KCNN2: variants seen among roughly 807,000 people sequenced by gnomAD.
KCNN2 encodes potassium calcium-activated channel subfamily N member 2, also known as small conductance calcium-activated potassium channel protein 2.
Under a neutral mutation model 55.5 loss-of-function variants are expected in KCNN2, and 24 were observed. That is an observed-to-expected ratio of 0.43 (90% CI 0.31 to 0.61). KCNN2 has a LOEUF of 0.61. Among genes scored for constraint, KCNN2 ranks in the 20% least tolerant of loss-of-function variants. The pLI, the probability that KCNN2 is intolerant of heterozygous loss-of-function variation, is 0.08. For missense variants in KCNN2, 754 were observed against 853.6 expected (o/e 0.88, Z 1.45); for synonymous variants, 431 against 336.1 (o/e 1.28, Z -3.09).
chr5:114,139,172 A>G (rs1752225982), intron 1 of KCNN2, among the ~76,000 whole-genome samples: 1 of 152,098 alleles, frequency 6.6e-6, no homozygotes, highest in Non-Finnish European at 1.5e-5. Context: ...CCTAATTTGG[A>G]GTTTTCTGTC....
chr5:114,127,742 G>A (rs919254963), intron 1 of KCNN2, among the ~76,000 whole-genome samples: 2 of 152,182 alleles, frequency 1.3e-5, no homozygotes, highest in African/African-American at 4.8e-5. Flanking sequence ...TCATCAGGCT[G>A]CAATTTTTCC....
At chr5:114,327,165 T>C (rs748962304) in intron 2 of KCNN2, among the ~76,000 whole-genome samples, 1 of 152,194 alleles carries the variant, frequency 6.6e-6, no homozygotes, top group Non-Finnish European at 1.5e-5. Flanking sequence ...CAGTGAGAAG[T>C]AGAGAAATGA....
intron 1 of KCNN2, among the ~76,000 whole-genome samples, chr5:114,090,830 T>C (rs532767934): frequency 3.3e-5 from 5 of 152,162 alleles, no homozygotes; most frequent in South Asian, 2.1e-4. Context: ...CAGTTTTCCG[T>C]TGGAGAATCT....
At chr5:114,214,135 G>A (rs777026402) in intron 1 of KCNN2, among the ~76,000 whole-genome samples, 17 of 151,872 alleles carry the variant, frequency 1.1e-4, no homozygotes, top group Non-Finnish European at 2.2e-4. Flanking sequence ...TCCTTAAAAG[G>A]GTAATTAGTA....
At chr5:114,377,578 C>G (rs1214984194) in intron 2 of KCNN2, among the ~76,000 whole-genome samples, 1 of 151,992 alleles carries the variant, frequency 6.6e-6, no homozygotes. Flanking sequence ...AGTGTAGACC[C>G]CAAGAGGACA....
At chr5:114,159,123 G>C (rs1047064975) in intron 1 of KCNN2, among the ~76,000 whole-genome samples, 3 of 152,174 alleles carry the variant, frequency 2.0e-5, no homozygotes, top group Non-Finnish European at 4.4e-5. Context: ...CATTCAGTAT[G>C]ATATTGGCTG....
In KCNN2 at chr5:114,469,311, A is replaced by G. The variant is rs1436007297; in HGVS notation, c.1780-3743A>G. Among the ~76,000 whole-genome samples, 4 of 152,296 alleles carry G rather than the reference A, an allele frequency of 2.6e-5. No homozygotes were observed. The East Asian group carries it at 7.7e-4, about 29-fold the overall frequency. ...TCACCATCTTCTCTGTTAGAAGGAA[A>G]GATGATAAACAAGCCAAGCGAAACC... On this transcript the variant is annotated intron_variant, in intron 4 of 7. Coordinates refer to ENST00000673685, the MANE Select transcript of KCNN2 (RefSeq NM_021614.4).
chr5:114,186,471 A>G (rs1561514077), intron 1 of KCNN2, among the ~76,000 whole-genome samples: 3 of 152,210 alleles, frequency 2.0e-5, no homozygotes, highest in Non-Finnish European at 4.4e-5. Flanking sequence ...TTCCACACAT[A>G]CCAGAGGCTG....
intron 2 of KCNN2, among the ~76,000 whole-genome samples, chr5:114,245,250 G>A (rs1469175742): frequency 1.3e-5 from 2 of 152,184 alleles, no homozygotes; most frequent in South Asian, 2.1e-4. Flanking sequence ...AGTTGTATTC[G>A]TATGTGGGTG....
chr5:114,401,243 A>G (rs1561608663), intron 2 of KCNN2, among the ~76,000 whole-genome samples: 1 of 152,166 alleles, frequency 6.6e-6, no homozygotes, highest in African/African-American at 2.4e-5. Context: ...CTTTGATAGT[A>G]AAAAAACAAC....
intron 2 of KCNN2, among the ~76,000 whole-genome samples, chr5:114,223,566 T>C (rs1754186793): frequency 6.6e-6 from 1 of 152,180 alleles, no homozygotes; most frequent in Non-Finnish European, 1.5e-5. Flanking sequence ...GGAAGTGTAT[T>C]TTTCAGAGTC....
At chr5:114,402,822 G>A (rs1005635017) in intron 2 of KCNN2, among the ~76,000 whole-genome samples, 3 of 152,210 alleles carry the variant, frequency 2.0e-5, no homozygotes, top group African/African-American at 7.2e-5. Context: ...CAGATTGAGA[G>A]TTTACCTGGA....
intron 1 of KCNN2, among the ~76,000 whole-genome samples, chr5:114,070,887 A>C (rs1401953163): frequency 3.3e-5 from 5 of 152,132 alleles, no homozygotes; most frequent in African/African-American, 4.8e-5. Flanking sequence ...GAGTTTGAGG[A>C]ATTAATGCCA....
chr5:114,238,518 C>CG (rs962968937), intron 2 of KCNN2, among the ~76,000 whole-genome samples: 1 of 151,446 alleles, frequency 6.6e-6, no homozygotes, highest in Non-Finnish European at 1.5e-5. Flanking sequence ...CCCAGCTACT[C>CG]GGGGGACTGA....
chr5:114,349,717 A>G (rs947462565), intron 2 of KCNN2, among the ~76,000 whole-genome samples: 1 of 152,012 alleles, frequency 6.6e-6, no homozygotes, highest in Non-Finnish European at 1.5e-5. Flanking sequence ...GGGAACATTC[A>G]TGTAAAAGTT....
intron 2 of KCNN2, among the ~76,000 whole-genome samples, chr5:114,293,238 AG>A (rs1755934669): frequency 6.6e-6 from 1 of 152,042 alleles, no homozygotes; most frequent in African/African-American, 2.4e-5. Flanking sequence ...GTTGAATAGG[AG>A]TGGTGAGAGA....
intron 3 of KCNN2, among the ~76,000 whole-genome samples, chr5:114,426,632 C>A (rs1759634110): frequency 6.6e-6 from 1 of 151,946 alleles, no homozygotes; most frequent in Non-Finnish European, 1.5e-5. Flanking sequence ...AAAATTTATG[C>A]TGAATATGAA....
At chr5:114,421,829 C>T (rs895438465) in intron 3 of KCNN2, among the ~76,000 whole-genome samples, 1 of 152,108 alleles carries the variant, frequency 6.6e-6, no homozygotes, top group East Asian at 1.9e-4. Flanking sequence ...AGGTGGGTCT[C>T]GAACTCCTGA....
intron 5 of KCNN2, among the ~76,000 whole-genome samples, chr5:114,485,405 T>G (rs1250042700): frequency 6.6e-6 from 1 of 152,114 alleles, no homozygotes; most frequent in Non-Finnish European, 1.5e-5. Context: ...GCCAGTCACT[T>G]CCCACTCCTC....
Sources: gnomAD v4.1 joint callset for allele counts (sites outside exome capture counted in the v4.1 genomes callset) on GRCh38, gnomAD v4.1.1 for gene constraint, MANE v1.5 for transcripts, NCBI Gene and HGNC (gene_info 2026-07-23, HGNC 2026-07-21) for gene names.